Variants in TMEM132C observed in about 807,000 individuals in gnomAD.
TMEM132C encodes the protein transmembrane protein 132C, also known as protein phosphatase 1, regulatory subunit 152.
Under a neutral mutation model 61.4 loss-of-function variants are expected in TMEM132C, and 29 were observed. The observed-to-expected ratio is 0.47, with a 90% CI of 0.35 to 0.64. The LOEUF (loss-of-function observed/expected upper bound fraction) is 0.64, where lower values mean the gene tolerates loss of function less well. Ranked by LOEUF, TMEM132C falls within the 30% of genes least tolerant of loss-of-function variation. The pLI is 0.00. For synonymous variants in TMEM132C, 656 were observed against 633.1 expected, an observed-to-expected ratio of 1.04 and a Z score of -0.54; for missense variants, 1,408 against 1,476.9, an observed-to-expected ratio of 0.95 and a Z score of 0.76.
At chr12:128,532,192 A>G (rs1351117610) in intron 2 of TMEM132C, among the ~76,000 whole-genome samples, 2 of 152,060 alleles carry the variant, frequency 1.3e-5, no homozygotes, top group Non-Finnish European at 2.9e-5. Flanking sequence ...TTGTATTTTG[A>G]TATGCTTCTT....
intron 2 of TMEM132C, among the ~76,000 whole-genome samples, chr12:128,419,190 G>A (rs7958606): frequency 0.35 from 52,825 of 152,136 alleles, 10,621 homozygotes; most frequent in Non-Finnish European, 0.45. Context: ...AAGACTGCAC[G>A]CCCTTCTTTC....
chr12:128,578,876 G>A (rs980849926), intron 3 of TMEM132C, among the ~76,000 whole-genome samples: 2 of 152,126 alleles, frequency 1.3e-5, no homozygotes, highest in Admixed American at 6.6e-5. Context: ...GGGATTAGAG[G>A]CGTGAGCCAC....
chr12:128,508,284 C>T (rs150413104), intron 2 of TMEM132C, among the ~76,000 whole-genome samples: 27 of 152,264 alleles, frequency 1.8e-4, no homozygotes, highest in African/African-American at 6.5e-4. Context: ...AAACCGCCTC[C>T]GTGATTCAGT....
At chr12:128,465,853 T>C (rs1423135710) in intron 2 of TMEM132C, among the ~76,000 whole-genome samples, 1 of 152,176 alleles carries the variant, frequency 6.6e-6, no homozygotes, top group Non-Finnish European at 1.5e-5. Context: ...CGGTTGCTGA[T>C]TGCCTTGCAG....
intron 2 of TMEM132C, among the ~76,000 whole-genome samples, chr12:128,478,030 C>G (rs1871206166): frequency 6.6e-6 from 1 of 152,186 alleles, no homozygotes; most frequent in Non-Finnish European, 1.5e-5. Flanking sequence ...GGACTTCAAG[C>G]CATTCCATAG....
At chr12:128,627,070 G>A (rs559376884) in intron 4 of TMEM132C, among the ~76,000 whole-genome samples, 24 of 152,244 alleles carry the variant, frequency 1.6e-4, no homozygotes, top group African/African-American at 5.3e-4. Flanking sequence ...ATCCTGAGAG[G>A]CACCTCACCT....
intron 3 of TMEM132C, among the ~76,000 whole-genome samples, chr12:128,562,375 G>T (rs73159899): frequency 2.0e-5 from 3 of 152,128 alleles, no homozygotes; most frequent in African/African-American, 7.2e-5. Flanking sequence ...AGGTTGTTCC[G>T]TAAGGCTGTT....
chr12:128,705,626 G>C lies in TMEM132C; in HGVS notation c.2658G>C (p.Gln886His). ...GGRLAGEGQL[Q>H]NIPIDFTNFP... is the part of the protein sequence containing the mutation. ...GGCTGGCAGGAGAGGGGCAGCTGCAGAACATCCCCATTGACTTCACCAACT... is the reference window on the plus strand; with the variant it reads ...GGCTGGCAGGAGAGGGGCAGCTGCACAACATCCCCATTGACTTCACCAACT... The change falls in exon 9 of 9, where the codon CAG becomes CAC. Residue 886 changes from glutamine to histidine, a missense_variant. Coordinates refer to ENST00000435159, the MANE Select transcript of TMEM132C (RefSeq NM_001136103.3). The C allele has an allele frequency of 1.3e-6, 2 of 1,550,998 alleles. No individual in the cohort carries two copies. Among genetic ancestry groups the C allele is most frequent in the South Asian group, 1.2e-5 (1 of 84,068 alleles).
Position 128,675,838 on chromosome 12 carries a change from AAGATAGATAGAT to A in TMEM132C, c.1449+6312_1449+6323del, listed in dbSNP as rs369218169. Among the ~76,000 whole-genome samples, 248 of 143,126 alleles carry A rather than the reference AAGATAGATAGAT, an allele frequency of 1.7e-3. 1 individual carries two copies. Among genetic ancestry groups the A allele is most frequent in the South Asian group, 0.014 (63 of 4,498 alleles). The allele number at this position is 143,126 out of a possible 152,430, so 93.9% of individuals were successfully genotyped here. On this transcript the variant is annotated intron_variant, in intron 5 of 8. Coordinates refer to ENST00000435159, the MANE Select transcript of TMEM132C (RefSeq NM_001136103.3). Reference sequence around the variant, plus strand: ...ATAGATGGTAGATTTAGATAGATAGAAGATAGATAGATAGATAGATAGATAGATAGATAGATA... The same window carrying A: ...ATAGATGGTAGATTTAGATAGATAGAAGATAGATAGATAGATAGATAGATA...
intron 2 of TMEM132C, among the ~76,000 whole-genome samples, chr12:128,456,367 T>TC (rs1870343932): frequency 8.8e-5 from 1 of 11,418 alleles, no homozygotes. Context: ...CTGATTAGCC[T>TC]TTTTTTTTTT....
At chr12:128,517,348 T>A (rs1203330510) in intron 2 of TMEM132C, among the ~76,000 whole-genome samples, 2 of 152,012 alleles carry the variant, frequency 1.3e-5, no homozygotes, top group African/African-American at 4.8e-5. Flanking sequence ...GGTGGAGGAA[T>A]CACTTGGACC....
chr12:128,309,279 C>T (rs1871891132), intron 1 of TMEM132C, among the ~76,000 whole-genome samples: 1 of 152,152 alleles, frequency 6.6e-6, no homozygotes, highest in Non-Finnish European at 1.5e-5. Flanking sequence ...TGACACTTGG[C>T]AAATCAGCTA....
chr12:128,367,202 G>A (rs1374198811), intron 1 of TMEM132C, among the ~76,000 whole-genome samples: 1 of 152,204 alleles, frequency 6.6e-6, no homozygotes, highest in Non-Finnish European at 1.5e-5. Context: ...CAAGGCAGGA[G>A]CTTGGAGGGG....
In TMEM132C at chr12:128,319,520, A is replaced by T. The variant is rs966312690; in HGVS notation, c.85+52033A>T. Among the ~76,000 whole-genome samples, 3 of 152,008 alleles carry T rather than the reference A, an allele frequency of 2.0e-5. No individual in the cohort carries two copies. In the South Asian group the frequency reaches 6.2e-4, roughly 32 times the overall value. On this transcript the variant is annotated intron_variant, in intron 1 of 8. Coordinates refer to ENST00000435159, the MANE Select transcript of TMEM132C (RefSeq NM_001136103.3). ...GCAATTGGAGTGCTGTCACCAAAGG[A>T]AGGGATATTAAAAAATGGGCCACCA...
In TMEM132C at chr12:128,707,207, A is replaced by G. The variant is rs1954848751; in HGVS notation, c.*912A>G. 2 of 152,188 alleles carry G rather than the reference A, an allele frequency of 1.3e-5. No homozygotes were observed. Among genetic ancestry groups the G allele is most frequent in the African/African-American group, 4.8e-5 (2 of 41,426 alleles). The allele number at this position is 152,188 out of a possible 1,614,324, so 9.4% of individuals were successfully genotyped here. On this transcript the variant is annotated 3_prime_UTR_variant, in exon 9 of 9. Coordinates refer to ENST00000435159, the MANE Select transcript of TMEM132C (RefSeq NM_001136103.3). ...TGTGGCCCTGTGAGGGGCTGTACAGACGGGATGTGGCCAGGAGAACAGAGC... is the reference window on the plus strand; with the variant it reads ...TGTGGCCCTGTGAGGGGCTGTACAGGCGGGATGTGGCCAGGAGAACAGAGC...
intron 1 of TMEM132C, among the ~76,000 whole-genome samples, chr12:128,311,939 TATCTCAG>T (rs1368515896): frequency 6.6e-6 from 1 of 152,214 alleles, no homozygotes; most frequent in East Asian, 1.9e-4. Flanking sequence ...ATCCTCTGCT[TATCTCAG>T]ATTGGGTTCA....
rs144254922 is a variant in TMEM132C, at chr12:128,451,293, A to C, written c.974+35673A>C. ...AAAATAATAAATGAAAAAAAGGGAG[A>C]AATATTGTTTTTCCTGTTTGTCCTA... On this transcript the variant is annotated intron_variant, in intron 2 of 8. Transcript: ENST00000435159. 3.4e-4 allele frequency among the ~76,000 whole-genome samples: 52 copies of C among 152,312 alleles called. 1 individual carries two copies. The highest frequency in any genetic ancestry group is 1.1e-3 in the African/African-American group (46 of 41,578).
Position 128,465,768 on chromosome 12 carries a change from G to C in TMEM132C, c.974+50148G>C, listed in dbSNP as rs370973903. ...AAGGGTGGCAGTAAGCATGCCACGC[G>C]TTAAGGTGCAGAACCTGACTACATG... On this transcript the variant is annotated intron_variant, in intron 2 of 8. Coordinates refer to ENST00000435159, the MANE Select transcript of TMEM132C (RefSeq NM_001136103.3). Among the ~76,000 whole-genome samples, 7 of 152,342 alleles carry C rather than the reference G, an allele frequency of 4.6e-5. No individual in the cohort carries two copies. In the South Asian group the frequency reaches 1.4e-3, roughly 32 times the overall value.
At chr12:128,540,593 G>C (rs1014893033) in intron 2 of TMEM132C, among the ~76,000 whole-genome samples, 1 of 152,150 alleles carries the variant, frequency 6.6e-6, no homozygotes. Context: ...TTACTGCATA[G>C]GCTGTATTTC....
Sources: gnomAD v4.1 joint callset for allele counts (sites outside exome capture counted in the v4.1 genomes callset) on GRCh38, gnomAD v4.1.1 for gene constraint, MANE v1.5 for transcripts, NCBI Gene and HGNC (gene_info 2026-07-23, HGNC 2026-07-21) for gene names.